Variants in POLA1 observed in about 807,000 individuals in gnomAD.
POLA1 encodes DNA polymerase alpha 1, catalytic subunit, also known as DNA polymerase alpha catalytic subunit.
POLA1 carries 15 observed loss-of-function variants against 124.0 expected under a neutral mutation model. The ratio of observed to expected loss-of-function variants is 0.12; its 90% CI spans 0.08 to 0.19. POLA1 has a LOEUF of 0.19. Ranked by LOEUF, POLA1 falls within the 10% of genes least tolerant of loss-of-function variation. The pLI, the probability that POLA1 is intolerant of heterozygous loss-of-function variation, is 1.00. For synonymous variants in POLA1, 408 were observed against 389.4 expected (o/e 1.05, Z -0.56); for missense variants, 886 against 1,103.4 (o/e 0.80, Z 2.79).
At chrX:24,740,170 C>A (rs1024790200) in intron 20 of POLA1, among the ~76,000 whole-genome samples, 3 of 111,771 alleles carry the variant, frequency 2.7e-5, no homozygotes, top group African/African-American at 9.8e-5. Context: ...ATCCTAGGTT[C>A]TTCCTATAGT....
chrX:24,704,542 A>T, intron 4 of POLA1, 73 bp downstream of exon 4: 1 of 666,333 alleles, frequency 1.5e-6, no homozygotes, highest in Non-Finnish European at 2.4e-6. Context: ...ATGACTTGAT[A>T]CTCTGATAGT....
In POLA1 at chrX:24,711,983, C is replaced by T. The variant is rs750929699; in HGVS notation, c.347-2571C>T. 3.6e-5 allele frequency among the ~76,000 whole-genome samples: 4 copies of T among 112,643 alleles called. No homozygotes were observed. The South Asian group carries it at 1.5e-3, about 41-fold the overall frequency. ...ACTCTCATGAACAATGTATGAATGT[C>T]TGTTTCTCTACAGCCTTACTAACAG... On this transcript the variant is annotated intron_variant, in intron 4 of 36. Transcript: ENST00000379068.
At chrX:24,918,162 A>G (rs1394617074) in intron 35 of POLA1, among the ~76,000 whole-genome samples, 1 of 107,208 alleles carries the variant, frequency 9.3e-6, no homozygotes, top group Non-Finnish European at 1.9e-5. Flanking sequence ...CTACCTCTAC[A>G]CTTTCTGCTG....
intron 26 of POLA1, among the ~76,000 whole-genome samples, chrX:24,766,791 A>G (rs746729129): frequency 8.9e-6 from 1 of 111,869 alleles, no homozygotes; most frequent in South Asian, 3.8e-4. Context: ...TTCTAAAATT[A>G]TTCTATGTGA....
At chrX:24,814,139 A>G (rs1462975100) in intron 29 of POLA1, among the ~76,000 whole-genome samples, 1 of 112,277 alleles carries the variant, frequency 8.9e-6, no homozygotes, top group Non-Finnish European at 1.9e-5. Flanking sequence ...AGAGGAAAGT[A>G]CTTTGTATGG....
chrX:24,857,582 T>C (rs2039364503), intron 34 of POLA1, among the ~76,000 whole-genome samples: 1 of 111,765 alleles, frequency 8.9e-6, no homozygotes, highest in African/African-American at 3.2e-5. Flanking sequence ...TAACATTTTA[T>C]AGTTTTCAGC....
intron 26 of POLA1, among the ~76,000 whole-genome samples, chrX:24,756,339 A>G (rs1196415182): frequency 9.0e-6 from 1 of 110,712 alleles, no homozygotes; most frequent in Non-Finnish European, 1.9e-5. Flanking sequence ...AGGCGGGTGG[A>G]TCACCTGAGG....
At chrX:24,889,947 C>T (rs2047120611) in intron 35 of POLA1, among the ~76,000 whole-genome samples, 1 of 111,863 alleles carries the variant, frequency 8.9e-6, no homozygotes, top group African/African-American at 3.2e-5. Flanking sequence ...CAAATAGCTA[C>T]CATCGTTGTG....
chrX:24,776,950 T>C (rs1483571740), intron 26 of POLA1, among the ~76,000 whole-genome samples: 1 of 112,316 alleles, frequency 8.9e-6, no homozygotes, highest in Non-Finnish European at 1.9e-5. Context: ...AGCAAATCTT[T>C]TGTTTAATCC....
chrX:24,819,584 T>C (rs2046052247), intron 30 of POLA1, among the ~76,000 whole-genome samples: 1 of 112,146 alleles, frequency 8.9e-6, no homozygotes, highest in Non-Finnish European at 1.9e-5. Flanking sequence ...GTGTGTACTT[T>C]GTTTTATCTC....
At chrX:24,808,406 T>G (rs2045841213) in intron 26 of POLA1, among the ~76,000 whole-genome samples, 2 of 112,611 alleles carry the variant, frequency 1.8e-5, no homozygotes, top group Non-Finnish European at 3.8e-5. Flanking sequence ...ACGCCTAAAC[T>G]GATCATAGTT....
chrX:24,745,386 A>T, intron 23 of POLA1, 32 bp from the exon 24 acceptor site: 1 of 1,104,810 alleles, frequency 9.1e-7, no homozygotes, highest in Non-Finnish European at 1.2e-6. Flanking sequence ...GCTTTTCTTT[A>T]GACTTTTTAT....
intron 32 of POLA1, among the ~76,000 whole-genome samples, chrX:24,827,204 A>G (rs745484555): frequency 8.9e-5 from 10 of 111,947 alleles, no homozygotes; most frequent in Middle Eastern, 4.6e-3. Flanking sequence ...GCTTTTTGCT[A>G]TGTCACCAGA....
chrX:24,844,310 C>T (rs940623839), intron 34 of POLA1, among the ~76,000 whole-genome samples: 4 of 111,313 alleles, frequency 3.6e-5, no homozygotes, highest in Admixed American at 9.6e-5. Context: ...TTGTTTTTAA[C>T]GCATTTCACA....
chrX:24,973,338 C>A (rs747413963), intron 36 of POLA1, among the ~76,000 whole-genome samples: 2 of 109,343 alleles, frequency 1.8e-5, no homozygotes, highest in African/African-American at 6.7e-5. Flanking sequence ...GCACTCCAGC[C>A]TGGGTGACAA....
intron 36 of POLA1, among the ~76,000 whole-genome samples, chrX:24,974,923 G>C (rs1248616191): frequency 8.9e-6 from 1 of 112,725 alleles, no homozygotes; most frequent in Non-Finnish European, 1.9e-5. Flanking sequence ...ATCCTCGATA[G>C]TATTTTGTCA....
At chrX:24,909,593 A>C (rs1232220595) in intron 35 of POLA1, among the ~76,000 whole-genome samples, 1 of 110,555 alleles carries the variant, frequency 9.0e-6, no homozygotes, top group African/African-American at 3.3e-5. Flanking sequence ...CCATTGGTCT[A>C]TATCTCTGTT....
chrX:24,954,317 G>A (rs1221648191), intron 36 of POLA1, among the ~76,000 whole-genome samples: 4 of 112,303 alleles, frequency 3.6e-5, no homozygotes, highest in African/African-American at 6.5e-5. Context: ...GGCTTCTGGT[G>A]GTGGTGGAAA....
chrX:24,831,446 A>T (rs776739120), intron 32 of POLA1, among the ~76,000 whole-genome samples: 1 of 110,755 alleles, frequency 9.0e-6, no homozygotes, highest in East Asian at 2.8e-4. Context: ...TTTGAGAAAG[A>T]GTCTTACTCT....
Sources: gnomAD v4.1 joint callset for allele counts (sites outside exome capture counted in the v4.1 genomes callset) on GRCh38, gnomAD v4.1.1 for gene constraint, MANE v1.5 for transcripts, NCBI Gene and HGNC (gene_info 2026-07-23, HGNC 2026-07-21) for gene names.